YRDC: variants seen among roughly 807,000 people sequenced by gnomAD.
YRDC encodes yrdC N6-threonylcarbamoyltransferase domain containing, also known as threonylcarbamoyl-AMP synthase.
A neutral mutation model predicts 21.5 loss-of-function variants in YRDC; 17 were observed. The ratio of observed to expected loss-of-function variants is 0.79; its 90% CI spans 0.54 to 1.19. YRDC has a LOEUF of 1.19. Ranked by LOEUF, YRDC falls within the 50% of genes most tolerant of loss-of-function variation. The pLI, the probability that YRDC is intolerant of heterozygous loss-of-function variation, is 0.00. For synonymous variants in YRDC, 193 were observed against 176.7 expected (o/e 1.09, Z -0.73); for missense variants, 380 against 397.1 (o/e 0.96, Z 0.37).
Position 37,807,870 on chromosome 1 carries a change from C to A in YRDC, c.311G>T (p.Arg104Leu). 6.8e-7 allele frequency: 1 copy of A among 1,471,820 alleles called. No homozygotes were observed. The highest frequency in any genetic ancestry group is 9.0e-7 in the Non-Finnish European group (1 of 1,111,526). The allele number at this position is 1,471,820 out of a possible 1,614,324, so 91.2% of individuals were successfully genotyped here. The change falls in exon 1 of 5, where the codon CGC (arginine) becomes CTC (leucine). Residue 104 changes from arginine to leucine, a missense_variant. This residue lies in a region of YRDC where 238 missense variants were observed against 236.5 expected (regional missense o/e 1.01). Coordinates refer to ENST00000373044, the MANE Select transcript of YRDC (RefSeq NM_024640.4). ...ACAASCSAAL[R>L]AVYRLKGRSE... is the part of the protein sequence containing the mutation. The stretch of plus-strand genomic sequence containing the variant: ...GCGACCCTTGAGGCGGTACACAGCG[C>A]GCAGAGCCGCCGAGCAGCTCGCCGC...
chr1:37,803,668 T>C lies in YRDC; in HGVS notation c.*257A>G. 1 of 456,526 alleles carries C rather than the reference T, an allele frequency of 2.2e-6. No individual in the cohort carries two copies. The highest frequency in any genetic ancestry group is 3.9e-6 in the Non-Finnish European group (1 of 258,522). The allele number at this position is 456,526 out of a possible 1,614,324, so 28.3% of individuals were successfully genotyped here. On this transcript the variant is annotated 3_prime_UTR_variant, in exon 5 of 5. Transcript: ENST00000373044. ...AGAAACTTATTAGAATAAGGCCACC[T>C]AGGAATGTTCTTAACTTTTCCATTC... is the stretch of plus-strand genomic sequence containing the variant.
chr1:37,807,671 G>A, intron 1 of YRDC, 121 bp downstream of exon 1: 3 of 1,335,228 alleles, frequency 2.2e-6, no homozygotes, highest in Non-Finnish European at 1.9e-6. Flanking sequence ...TTCCAGTTCC[G>A]GATTCCTTGG....
rs1475152407 is a variant in YRDC, at chr1:37,807,748, C to G, written c.389+44G>C. The G allele has an allele frequency of 2.1e-6, 3 of 1,436,288 alleles. No individual in the cohort carries two copies. The Admixed American group carries it at 7.8e-5, about 37-fold the overall frequency. 89.0% of individuals were successfully genotyped at this position (1,436,288 alleles called of 1,614,324 possible). A position where few individuals can be genotyped will look rare whatever the true frequency, so the allele number is the denominator to read the frequency against. ...CCCAAGCCTGTCACCGGAAACCCCT[C>G]CCGCGGTGCCGCCCCTAGCGGGGCC... On this transcript the variant is annotated intron_variant, in intron 1 of 4. Transcript: ENST00000373044.
chr1:37,805,722 A>G (rs1646729684), intron 3 of YRDC, among the ~76,000 whole-genome samples: 1 of 152,298 alleles, frequency 6.6e-6, no homozygotes, highest in South Asian at 2.1e-4. Context: ...CTGAACTCTC[A>G]CTTTCTAAGA....
intron 1 of YRDC, chr1:37,807,537 C>T (rs768390250): frequency 2.3e-5 from 16 of 688,906 alleles, no homozygotes; most frequent in Admixed American, 1.3e-4. Flanking sequence ...TGCTTTTTTC[C>T]CGGGGGCCTC....
At position 37,804,044 on chromosome 1, in the gene YRDC, C is replaced by T. The variant is rs180848712; in HGVS notation, c.768-47G>A. ...TACCAGTCTGACTTCTCAGAAGTCCCGAGCCCACCAGAGGCTGGTGAGCAG... is the reference window on the plus strand; with the variant it reads ...TACCAGTCTGACTTCTCAGAAGTCCTGAGCCCACCAGAGGCTGGTGAGCAG... On this transcript the variant is annotated intron_variant, in intron 4 of 4. Coordinates refer to ENST00000373044, the MANE Select transcript of YRDC (RefSeq NM_024640.4). 191 of 1,606,672 alleles carry T rather than the reference C, an allele frequency of 1.2e-4. No individual in the cohort carries two copies. The African/African-American group carries it at 1.9e-3, about 16-fold the overall frequency.
In YRDC at chr1:37,804,045, G is replaced by A. The variant is rs370678676; in HGVS notation, c.768-48C>T. ...ACCAGTCTGACTTCTCAGAAGTCCC[G>A]AGCCCACCAGAGGCTGGTGAGCAGG... On this transcript the variant is annotated intron_variant, in intron 4 of 4. Transcript: ENST00000373044. The A allele has an allele frequency of 4.4e-5, 71 of 1,603,290 alleles. 1 individual carries two copies. The highest frequency in any genetic ancestry group is 2.2e-4 in the South Asian group (20 of 90,752).
intron 1 of YRDC, 173 bp from the exon 2 acceptor site, chr1:37,807,388 C>T (rs951558675): frequency 3.3e-5 from 22 of 671,608 alleles, no homozygotes; most frequent in African/African-American, 3.3e-4. Context: ...CAGAGGCGCA[C>T]CCCTGGCTTG....
rs752072216 is a variant in YRDC, at chr1:37,806,838, A to C, written c.624+19T>G. 6.2e-7 allele frequency: 1 copy of C among 1,613,986 alleles called. No homozygotes were observed. The highest frequency in any genetic ancestry group is 2.2e-5 in the East Asian group (1 of 44,878). On this transcript the variant is annotated intron_variant, in intron 3 of 4. Transcript: ENST00000373044. Reference sequence around the variant, plus strand: ...TGTGCGCTGGTGACATTTCCAGGGGAAGGACTGGGTAAACTCACCTCGACA... The same window carrying C: ...TGTGCGCTGGTGACATTTCCAGGGGCAGGACTGGGTAAACTCACCTCGACA...
intron 3 of YRDC, among the ~76,000 whole-genome samples, chr1:37,806,403 T>C (rs1413407919): frequency 1.3e-5 from 2 of 152,188 alleles, no homozygotes; most frequent in Non-Finnish European, 1.5e-5. Flanking sequence ...AGTTTTGCCA[T>C]GTTAGCCAGG....
At position 37,806,876 on chromosome 1, in the gene YRDC, G is replaced by T; in HGVS notation, c.605C>A (p.Ala202Asp). ...ACTCACCTCGACATTCAGAGAACTG[G>T]CCTGGGAGCTGAGGTTGGCACTAGT... ...ALTSANLSSQ[A>D]SSLNVEEFQD... The change falls in exon 3 of 5, where the codon GCC becomes GAC. Residue 202 changes from alanine (A) to aspartate (D), a missense_variant. Transcript: ENST00000373044. 1.9e-6 allele frequency: 3 copies of T among 1,614,150 alleles called. No homozygotes were observed. The highest frequency in any genetic ancestry group is 2.5e-6 in the Non-Finnish European group (3 of 1,180,030).
chr1:37,806,684 T>A (rs567211486), intron 3 of YRDC, among the ~76,000 whole-genome samples, 173 bp downstream of exon 3: 1 of 152,214 alleles, frequency 6.6e-6, no homozygotes, highest in Non-Finnish European at 1.5e-5. Context: ...ATCTTTCAAA[T>A]TTTTTTAATT....
chr1:37,806,742 G>T lies in YRDC; in HGVS notation c.624+115C>A, dbSNP rs1384758330. Reference sequence around the variant, plus strand: ...CTGCCAGCTGGGCAACCTTCCCACTGTTGGCCCAAGAACTCTCATGCCTGG... The same window carrying T: ...CTGCCAGCTGGGCAACCTTCCCACTTTTGGCCCAAGAACTCTCATGCCTGG... On this transcript the variant is annotated intron_variant, in intron 3 of 4. Transcript: ENST00000373044. 18 of 1,514,468 alleles carry T rather than the reference G, an allele frequency of 1.2e-5. No homozygotes were observed. The East Asian group carries it at 3.2e-4, about 27-fold the overall frequency. The allele number at this position is 1,514,468 out of a possible 1,614,324, so 93.8% of individuals were successfully genotyped here. A position where few individuals can be genotyped will look rare whatever the true frequency, so the allele number is the denominator to read the frequency against.
rs1377829579 is a variant in YRDC at position 37,808,156 on chromosome 1, C to T, written c.25G>A (p.Gly9Arg). Residue 9 changes from glycine to arginine, a missense_variant, in exon 1 of 5, where the codon GGG becomes AGG. Physicochemically the swap from Gly to Arg is moderately radical, Grantham distance 125. This residue lies in a region of YRDC where 91 missense variants were observed against 64.7 expected (regional missense o/e 1.41). Transcript: ENST00000373044. MSPARRCR[G>R]MRAAVAASVG... is the part of the protein sequence containing the mutation. ...CTGGCAGCCACCGCGGCCCTCATCC[C>T]CCTGCACCGACGCGCCGGAGACATC... is the stretch of plus-strand genomic sequence containing the variant. 2.0e-6 allele frequency: 3 copies of T among 1,466,352 alleles called. No individual in the cohort carries two copies. The highest frequency in any genetic ancestry group is 1.5e-5 in the African/African-American group (1 of 68,392). 90.8% of individuals were successfully genotyped at this position (1,466,352 alleles called of 1,614,324 possible). A position where few individuals can be genotyped will look rare whatever the true frequency, so the allele number is the denominator to read the frequency against.
At chr1:37,807,523 T>A (rs1018198538) in intron 1 of YRDC, 16 of 620,030 alleles carry the variant, frequency 2.6e-5, no homozygotes, top group Non-Finnish European at 3.8e-5. Flanking sequence ...CTACTGTGTT[T>A]GTTTGCTTTT....
In YRDC at chr1:37,807,222, A is replaced by C; in HGVS notation, c.390-7T>G. 1.2e-6 allele frequency: 2 copies of C among 1,612,074 alleles called. No individual in the cohort carries two copies. The highest frequency in any genetic ancestry group is 8.5e-7 in the Non-Finnish European group (1 of 1,178,180). On this transcript the variant is annotated splice_region_variant and splice_polypyrimidine_tract_variant and intron_variant, in intron 1 of 4. Transcript: ENST00000373044. ...TACTCTCACACGGCAGTATCTGGGA[A>C]ACACAGAAGAATAAATCCATTCAAA...
chr1:37,804,478 A>T, intron 3 of YRDC, 34 bp from the exon 4 acceptor site: 1 of 1,590,162 alleles, frequency 6.3e-7, no homozygotes. Context: ...CATGGACACT[A>T]TCCCTGGTGT....
At chr1:37,805,114 G>C (rs1557578192) in intron 3 of YRDC, among the ~76,000 whole-genome samples, 2 of 152,096 alleles carry the variant, frequency 1.3e-5, no homozygotes, top group South Asian at 4.1e-4. Flanking sequence ...AAATTAGCCG[G>C]GCATGGTGGC....
chr1:37,806,133 T>G (rs1472680238), intron 3 of YRDC, among the ~76,000 whole-genome samples: 1 of 151,974 alleles, frequency 6.6e-6, no homozygotes, highest in Non-Finnish European at 1.5e-5. Flanking sequence ...GTTAAAAATC[T>G]GAGTCAGTCA....
Sources: allele counts gnomAD v4.1 joint callset (sites outside exome capture counted in the v4.1 genomes callset), GRCh38; gene constraint gnomAD v4.1.1; regional missense constraint gnomAD v4.1.1; transcripts MANE v1.5; gene names NCBI Gene and HGNC (gene_info 2026-07-23, HGNC 2026-07-21).